APBB1IP: variants seen among roughly 807,000 people sequenced by gnomAD.
APBB1IP encodes the protein amyloid beta precursor protein binding family B member 1 interacting protein.
Under a neutral mutation model 64.9 loss-of-function variants are expected in APBB1IP, and 27 were observed. That is an observed-to-expected ratio of 0.42 (90% CI 0.31 to 0.57). The LOEUF is 0.57. Among genes scored for constraint, APBB1IP ranks in the 20% least tolerant of loss-of-function variants. The pLI is 0.20. For missense variants in APBB1IP, 812 were observed against 845.5 expected (o/e 0.96, Z 0.49); for synonymous variants, 392 against 331.0 (o/e 1.18, Z -2.00).
intron 2 of APBB1IP, among the ~76,000 whole-genome samples, chr10:26,487,142 C>T (rs1472745675): frequency 6.6e-6 from 1 of 151,892 alleles, no homozygotes; most frequent in Non-Finnish European, 1.5e-5. Flanking sequence ...ATAACTCCAC[C>T]CCAGCTCTTT....
intron 10 of APBB1IP, among the ~76,000 whole-genome samples, chr10:26,537,588 G>GATATATTCAAACATATAAA (rs1180086866): frequency 1.3e-5 from 2 of 152,088 alleles, no homozygotes; most frequent in African/African-American, 4.8e-5. Flanking sequence ...TATAAACGGT[G>GATATATTCAAACATATAAA]CATATAAATA....
chr10:26,507,628 C>T (rs184734224), intron 6 of APBB1IP, among the ~76,000 whole-genome samples: 1 of 152,184 alleles, frequency 6.6e-6, no homozygotes, highest in African/African-American at 2.4e-5. Flanking sequence ...ACATGGTTGG[C>T]AGCTGAGGAT....
intron 2 of APBB1IP, among the ~76,000 whole-genome samples, chr10:26,450,890 A>G (rs1386707001): frequency 6.6e-6 from 1 of 152,010 alleles, no homozygotes; most frequent in Non-Finnish European, 1.5e-5. Context: ...GAGACAAGGT[A>G]TCACTATATT....
chr10:26,482,924 G>GA (rs35279566), intron 2 of APBB1IP, among the ~76,000 whole-genome samples: 55 of 130,090 alleles, frequency 4.2e-4, no homozygotes, highest in Admixed American at 1.2e-3. Context: ...TTTCTCAAGT[G>GA]AAAAAAAAAA....
chr10:26,507,026 C>G (rs1338121341), intron 6 of APBB1IP, among the ~76,000 whole-genome samples: 1 of 151,978 alleles, frequency 6.6e-6, no homozygotes, highest in Non-Finnish European at 1.5e-5. Context: ...TATGCTCCAG[C>G]AAGAATCAGC....
At chr10:26,477,457 C>G (rs1387548619) in intron 2 of APBB1IP, among the ~76,000 whole-genome samples, 1 of 152,204 alleles carries the variant, frequency 6.6e-6, no homozygotes, top group South Asian at 2.1e-4. Flanking sequence ...TGGAATGATA[C>G]TTCAAGTGAA....
intron 6 of APBB1IP, among the ~76,000 whole-genome samples, chr10:26,508,006 C>T (rs1376812547): frequency 6.6e-6 from 1 of 152,196 alleles, no homozygotes; most frequent in Admixed American, 6.5e-5. Flanking sequence ...ACAGAAGCCG[C>T]TCTGATCAGT....
intron 7 of APBB1IP, among the ~76,000 whole-genome samples, chr10:26,512,434 T>C (rs183773893): frequency 2.6e-5 from 4 of 152,168 alleles, no homozygotes; most frequent in African/African-American, 9.7e-5. Context: ...AACCCTGCCA[T>C]AGCCTCCCAC....
chr10:26,561,892 A>AG (rs199988836), intron 13 of APBB1IP: 4,024 of 162,668 alleles, frequency 0.025, 87 homozygotes, highest in South Asian at 0.049. Context: ...ACCTGTACTC[A>AG]GTGTGGTGTG....
At position 26,511,753 on chromosome 10, in the gene APBB1IP, G is replaced by C; in HGVS notation, c.538G>C (p.Val180Leu). The C allele has an allele frequency of 1.2e-6, 2 of 1,614,086 alleles. No individual in the cohort carries two copies. The highest frequency in any genetic ancestry group is 1.7e-6 in the Non-Finnish European group (2 of 1,179,988). The change falls in exon 7 of 15, where the codon GTC becomes CTC. Residue 180 changes from valine to leucine, a missense_variant. Val to Leu is a conservative substitution (Grantham distance 32). Around this residue, in one of 3 missense-constraint regions of APBB1IP, gnomAD observed 394 missense variants for 413.1 expected, o/e 0.95. Transcript: ENST00000376236. ...CCCATGGTTCTATCCTCAGCTCGTC[G>C]TCAAGGTGCACATGAATGATAACAG... ...LKEAKVKKLV[V>L]KVHMNDNSTK...
intron 10 of APBB1IP, among the ~76,000 whole-genome samples, chr10:26,541,181 AT>A (rs1029145359): frequency 1.2e-4 from 19 of 152,262 alleles, no homozygotes; most frequent in Admixed American, 9.2e-4. Context: ...AATTAATTTT[AT>A]TTTTTGATTG....
intron 2 of APBB1IP, among the ~76,000 whole-genome samples, chr10:26,440,228 C>T (rs1835325419): frequency 1.3e-5 from 2 of 152,160 alleles, no homozygotes; most frequent in Admixed American, 6.5e-5. Flanking sequence ...ACTTGCATAA[C>T]TTCTCCCTGG....
intron 2 of APBB1IP, among the ~76,000 whole-genome samples, chr10:26,454,922 A>G (rs4749142): frequency 0.36 from 55,466 of 152,074 alleles, 10,193 homozygotes; most frequent in South Asian, 0.5. Context: ...AATAACAGGT[A>G]TTGATGAGGA....
chr10:26,478,169 A>G (rs1044793504), intron 2 of APBB1IP, among the ~76,000 whole-genome samples: 8 of 152,244 alleles, frequency 5.3e-5, no homozygotes, highest in Non-Finnish European at 1.5e-5. Context: ...ATGAGGAGAC[A>G]TTAAAGCAAA....
chr10:26,559,414 A>G (rs1459760226), intron 11 of APBB1IP, among the ~76,000 whole-genome samples: 2 of 151,336 alleles, frequency 1.3e-5, no homozygotes, highest in Non-Finnish European at 2.9e-5. Flanking sequence ...AAAAAAAAAC[A>G]ACGTTTTTTT....
At chr10:26,459,565 G>A (rs1010595143) in intron 2 of APBB1IP, among the ~76,000 whole-genome samples, 16 of 152,178 alleles carry the variant, frequency 1.1e-4, no homozygotes, top group African/African-American at 3.4e-4. Context: ...CAGTGTAAAA[G>A]TGTTCCTATT....
chr10:26,466,312 C>T (rs1835647700), intron 2 of APBB1IP, among the ~76,000 whole-genome samples: 1 of 152,132 alleles, frequency 6.6e-6, no homozygotes. Context: ...TGGTGGCATC[C>T]ACCACAGCCA....
chr10:26,567,170 G>A lies in APBB1IP; in HGVS notation c.1683G>A (p.Pro561=), dbSNP rs1444254903. 7.1e-7 allele frequency: 1 copy of A among 1,414,588 alleles called. No individual in the cohort carries two copies. Among genetic ancestry groups the A allele is most frequent in the South Asian group, 1.4e-5 (1 of 71,164 alleles). 87.6% of individuals were successfully genotyped at this position (1,414,588 alleles called of 1,614,324 possible). ...DDFLPPPPPP[P]PLDDPELPPP... The stretch of plus-strand genomic sequence containing the variant: ...TCCTGCCGCCGCCGCCACCGCCGCC[G>A]CCCCTCGATGACCCTGAGCTCCCGC... Residue 561 remains proline, a synonymous_variant, in exon 15 of 15, where the codon CCG becomes CCA. Coordinates refer to ENST00000376236, the MANE Select transcript of APBB1IP (RefSeq NM_019043.4).
chr10:26,507,279 G>A (rs1836194013), intron 6 of APBB1IP, among the ~76,000 whole-genome samples: 1 of 152,162 alleles, frequency 6.6e-6, no homozygotes, highest in African/African-American at 2.4e-5. Context: ...GATCGCCTGA[G>A]GTCAGGAGTT....
Sources: gnomAD v4.1 joint callset for allele counts (sites outside exome capture counted in the v4.1 genomes callset) on GRCh38, gnomAD v4.1.1 for gene constraint, gnomAD v4.1.1 regional missense constraint, MANE v1.5 for transcripts, NCBI Gene and HGNC (gene_info 2026-07-23, HGNC 2026-07-21) for gene names.